AGMO: variants seen among roughly 807,000 people sequenced by gnomAD.
AGMO encodes the protein alkylglycerol monooxygenase, also known as glyceryl-ether monooxygenase.
A neutral mutation model predicts 60.2 loss-of-function variants in AGMO; 75 were observed. The ratio of observed to expected loss-of-function variants is 1.25; its 90% CI spans 1.03 to 1.51. The LOEUF is 1.51. AGMO is among the 40% of genes most tolerant of loss of function. The probability of loss-of-function intolerance (pLI) is 0.00; values close to 1 mark genes in which losing one functional copy is unlikely to be tolerated. For synonymous variants in AGMO, 261 were observed against 177.1 expected, an observed-to-expected ratio of 1.47 and a Z score of -3.76; for missense variants, 763 against 525.5, an observed-to-expected ratio of 1.45 and a Z score of -4.42.
Position 15,316,852 on chromosome 7 carries a change from A to T in AGMO, c.1263+48662T>A, listed in dbSNP as rs78542776. Among the ~76,000 whole-genome samples, 859 of 152,274 alleles carry T rather than the reference A, an allele frequency of 5.6e-3. 5 individuals carry two copies. The highest frequency in any genetic ancestry group is 0.019 in the African/African-American group (784 of 41,562). On this transcript the variant is annotated intron_variant, in intron 12 of 12. Transcript: ENST00000342526. The stretch of plus-strand genomic sequence containing the variant: ...AAATAACATACATTTAAATTATTTG[A>T]TTATTTTAGACAGTATGTAGACGTC...
At position 15,247,161 on chromosome 7, in the gene AGMO, A is replaced by C. The variant is rs550016395; in HGVS notation, c.1264-45802T>G. ...TCACAGCACTGGTTATCCTAAAAAA[A>C]AAACTGAGAAACAAATTAAATGTCC... On this transcript the variant is annotated intron_variant, in intron 12 of 12. Transcript: ENST00000342526. Among the ~76,000 whole-genome samples, 5 of 152,304 alleles carry C rather than the reference A, an allele frequency of 3.3e-5. No homozygotes were observed. In the East Asian group the frequency reaches 9.6e-4, roughly 29 times the overall value.
chr7:15,540,823 T>A (rs1467623903), intron 3 of AGMO, among the ~76,000 whole-genome samples: 1 of 152,172 alleles, frequency 6.6e-6, no homozygotes, highest in East Asian at 1.9e-4. Flanking sequence ...GTGACATTAT[T>A]TATGAATTTA....
At chr7:15,221,710 G>A (rs1013863416) in intron 12 of AGMO, among the ~76,000 whole-genome samples, 3 of 152,062 alleles carry the variant, frequency 2.0e-5, no homozygotes, top group African/African-American at 7.2e-5. Flanking sequence ...TCAAATGAAT[G>A]TTAAACATAC....
chr7:15,478,896 A>G (rs1370247534), intron 3 of AGMO, among the ~76,000 whole-genome samples: 1 of 152,174 alleles, frequency 6.6e-6, no homozygotes, highest in Admixed American at 6.5e-5. Flanking sequence ...TCCTAAATTT[A>G]GTGCACTAGA....
intron 12 of AGMO, among the ~76,000 whole-genome samples, chr7:15,280,326 T>G (rs1260035688): frequency 6.6e-6 from 1 of 152,072 alleles, no homozygotes; most frequent in Admixed American, 6.5e-5. Context: ...GCTGCCTGCT[T>G]ACTCCCCACT....
chr7:15,435,001 T>A (rs1007820680), intron 3 of AGMO, among the ~76,000 whole-genome samples: 3 of 152,082 alleles, frequency 2.0e-5, no homozygotes, highest in African/African-American at 7.2e-5. Flanking sequence ...TCATTTAGCA[T>A]AATGCATTGA....
chr7:15,470,017 A>C (rs1009949734), intron 3 of AGMO, among the ~76,000 whole-genome samples: 1 of 152,104 alleles, frequency 6.6e-6, no homozygotes, highest in African/African-American at 2.4e-5. Context: ...AACCCAATAA[A>C]AACAACTTTT....
chr7:15,475,531 G>A (rs181688565), intron 3 of AGMO, among the ~76,000 whole-genome samples: 9 of 152,064 alleles, frequency 5.9e-5, no homozygotes, highest in Admixed American at 5.2e-4. Context: ...TCACACACTG[G>A]GGCCTGTCGG....
At chr7:15,403,623 A>T (rs1396464552) in intron 5 of AGMO, among the ~76,000 whole-genome samples, 1 of 152,036 alleles carries the variant, frequency 6.6e-6, no homozygotes, top group Admixed American at 6.6e-5. Context: ...AATAAAATCC[A>T]TGAACACTAT....
chr7:15,377,443 T>C (rs866487954), intron 10 of AGMO, among the ~76,000 whole-genome samples: 1 of 149,730 alleles, frequency 6.7e-6, no homozygotes, highest in Non-Finnish European at 1.5e-5. Flanking sequence ...CATATTTTAA[T>C]GTACACAGTG....
At chr7:15,296,339 G>A (rs1389265847) in intron 12 of AGMO, among the ~76,000 whole-genome samples, 1 of 152,098 alleles carries the variant, frequency 6.6e-6, no homozygotes, top group Admixed American at 6.6e-5. Flanking sequence ...TCCAGACTGG[G>A]AACATATGAA....
chr7:15,201,443 A>G (rs1421862693), intron 12 of AGMO, 84 bp from the exon 13 acceptor site: 4 of 976,342 alleles, frequency 4.1e-6, no homozygotes, highest in Non-Finnish European at 6.2e-6. Context: ...ATTTCCCTAG[A>G]GGAAAATGAA....
chr7:15,524,839 G>C (rs921964736), intron 3 of AGMO, among the ~76,000 whole-genome samples: 9 of 143,626 alleles, frequency 6.3e-5, no homozygotes, highest in Admixed American at 3.6e-4. Context: ...TCCAGCCTGG[G>C]GAACAAAAGC....
intron 3 of AGMO, among the ~76,000 whole-genome samples, chr7:15,530,535 TC>T (rs1784280424): frequency 2.4e-5 from 2 of 84,776 alleles, no homozygotes. Flanking sequence ...TATACGTATT[TC>T]TATATATATT....
chr7:15,376,494 C>G, intron 10 of AGMO, among the ~76,000 whole-genome samples: 1 of 151,986 alleles, frequency 6.6e-6, no homozygotes, highest in East Asian at 1.9e-4. Context: ...GAATTAAAAA[C>G]CATAAAAATG....
chr7:15,378,791 T>C (rs377158963), intron 10 of AGMO, among the ~76,000 whole-genome samples: 1 of 151,666 alleles, frequency 6.6e-6, no homozygotes, highest in East Asian at 1.9e-4. Context: ...TACAAAGACA[T>C]TAAAATCCAA....
chr7:15,332,108 T>C (rs2128544764), intron 12 of AGMO, among the ~76,000 whole-genome samples: 1 of 152,214 alleles, frequency 6.6e-6, no homozygotes, highest in Non-Finnish European at 1.5e-5. Flanking sequence ...CATAAAAGGA[T>C]ACACACTAGA....
At position 15,313,808 on chromosome 7, in the gene AGMO, ATAAC is replaced by A. The variant is rs201333770; in HGVS notation, c.1263+51702_1263+51705del. Among the ~76,000 whole-genome samples the A allele has an allele frequency of 7.7e-3, 1,173 of 152,232 alleles. 20 individuals are homozygous for A. The highest frequency in any genetic ancestry group is 0.027 in the African/African-American group (1,122 of 41,530). On this transcript the variant is annotated intron_variant, in intron 12 of 12. Transcript: ENST00000342526. ...TAGACATAGTAAAATATTAATAACA[ATAAC>A]TAATAATAACATAGTACAATTATAG...
At chr7:15,188,825 A>G in the AGMO span, among the ~76,000 whole-genome samples, 10 of 152,230 alleles carry the variant, frequency 6.6e-5, no homozygotes, top group Non-Finnish European at 4.4e-5. Flanking sequence ...CCATGAACTG[A>G]TCGTTGGAGT....
Sources: allele counts gnomAD v4.1 joint callset (sites outside exome capture counted in the v4.1 genomes callset), GRCh38; gene constraint gnomAD v4.1.1; transcripts MANE v1.5; gene names NCBI Gene and HGNC (gene_info 2026-07-23, HGNC 2026-07-21).